FMO4: variants seen among roughly 807,000 people sequenced by gnomAD.
FMO4 encodes flavin containing dimethylaniline monoxygenase 4.
In FMO4, 38 loss-of-function variants were observed where a neutral mutation model predicts 43.3. The ratio of observed to expected loss-of-function variants is 0.88; its 90% CI spans 0.68 to 1.15. FMO4 has a LOEUF of 1.15. Among genes scored for constraint, FMO4 ranks in the 50% most tolerant of loss-of-function variants. FMO4 has a pLI of 0.00. For synonymous variants in FMO4, 224 were observed against 232.2 expected (o/e 0.96, Z 0.32); for missense variants, 631 against 663.3 (o/e 0.95, Z 0.54).
chr1:171,317,405 G>A (rs77579116), intron 2 of FMO4, among the ~76,000 whole-genome samples: 7,671 of 152,162 alleles, frequency 0.05, 598 homozygotes, highest in African/African-American at 0.17. Context: ...ACTATCATTT[G>A]TGTGTCTTCT....
intron 9 of FMO4, among the ~76,000 whole-genome samples, 170 bp from the exon 10 acceptor site, chr1:171,341,243 G>C (rs964669624): frequency 1.1e-4 from 16 of 152,108 alleles, no homozygotes; most frequent in South Asian, 6.2e-4. Flanking sequence ...ACCCTCTGTA[G>C]ATAAACTCCT....
intron 7 of FMO4, 59 bp from the exon 8 acceptor site, chr1:171,334,351 AT>A (rs1441191749): frequency 1.8e-6 from 2 of 1,090,694 alleles, no homozygotes; most frequent in Admixed American, 2.5e-5. Flanking sequence ...TAAGTAAATC[AT>A]TTGCTGAAGT....
chr1:171,321,356 A>G (rs890238529), intron 3 of FMO4, among the ~76,000 whole-genome samples: 5 of 152,204 alleles, frequency 3.3e-5, no homozygotes, highest in Non-Finnish European at 7.4e-5. Context: ...GGGTTTAGGT[A>G]TCCCTTTGGT....
rs753454856 is a variant in FMO4 at position 171,324,176 on chromosome 1, C to T, written c.360C>T (p.Ser120=). 1.3e-5 allele frequency: 21 copies of T among 1,613,266 alleles called. No individual in the cohort carries two copies. Among genetic ancestry groups the T allele is most frequent in the Middle Eastern group, 1.6e-4 (1 of 6,074 alleles). The change falls in exon 5 of 10, where the codon TCC becomes TCT. Residue 120 remains serine, a synonymous_variant. Transcript: ENST00000367749. ...VCSITKRPDF[S]ETGQWDVVTE... ...GCATAACGAAGCGTCCAGACTTCTC[C>T]GAAACTGGTCAGTGGGATGTTGTCA...
rs3737926 is a variant in FMO4 at position 171,334,426 on chromosome 1, C to T, written c.843C>T (p.Phe281=). The T allele has an allele frequency of 1.8e-3, 2,753 of 1,571,938 alleles. 74 individuals are homozygous for T. In the East Asian group the frequency reaches 0.052, roughly 30 times the overall value. Residue 281 remains phenylalanine, a synonymous_variant, in exon 8 of 10, where the codon TTC becomes TTT. Coordinates refer to ENST00000367749, the MANE Select transcript of FMO4 (RefSeq NM_002022.3). ...LSITKGKKAK[F]IVNDELPNCI... ...TGTGTCAAAGGAAAAAAGCAAAATT[C>T]ATTGTGAATGATGAGCTGCCAAACT...
chr1:171,337,949 T>A (rs1278365498), intron 9 of FMO4, among the ~76,000 whole-genome samples: 1 of 151,856 alleles, frequency 6.6e-6, no homozygotes, highest in Non-Finnish European at 1.5e-5. Flanking sequence ...CTAATTCCCC[T>A]CCCTCTAGAT....
At chr1:171,315,408 T>G (rs1293649998) in intron 1 of FMO4, among the ~76,000 whole-genome samples, 1 of 152,110 alleles carries the variant, frequency 6.6e-6, no homozygotes, top group African/African-American at 2.4e-5. Flanking sequence ...CCTGCAGTAT[T>G]CTCGCCTACC....
chr1:171,340,702 TGAGTCTAAGGATAA>T (rs1450441029), intron 9 of FMO4, among the ~76,000 whole-genome samples: 1 of 152,054 alleles, frequency 6.6e-6, no homozygotes, highest in Non-Finnish European at 1.5e-5. Flanking sequence ...GAAGGGCGAG[TGAGTCTAAGGATAA>T]TGAAATAATC....
chr1:171,322,084 G>GA (rs1220420753), intron 3 of FMO4, among the ~76,000 whole-genome samples: 1 of 152,170 alleles, frequency 6.6e-6, no homozygotes, highest in East Asian at 1.9e-4. Context: ...AGGACTTCAT[G>GA]AAAAAACAGA....
intron 9 of FMO4, among the ~76,000 whole-genome samples, chr1:171,339,506 C>T (rs1429065179): frequency 1.3e-5 from 2 of 152,098 alleles, no homozygotes; most frequent in East Asian, 1.9e-4. Flanking sequence ...AACATCCCAG[C>T]GAAGATCCTT....
At chr1:171,332,332 G>T (rs1342934023) in intron 6 of FMO4, among the ~76,000 whole-genome samples, 1 of 152,106 alleles carries the variant, frequency 6.6e-6, no homozygotes, top group Non-Finnish European at 1.5e-5. Flanking sequence ...AAAGGAAAAT[G>T]ATTAGATCTG....
intron 5 of FMO4, among the ~76,000 whole-genome samples, chr1:171,324,892 G>A (rs766107825): frequency 3.1e-4 from 44 of 139,716 alleles, no homozygotes; most frequent in Non-Finnish European, 2.4e-4. Context: ...GAGGCCGAGG[G>A]AGGCCAGAAG....
At chr1:171,322,963 A>G (rs1301102679) in intron 3 of FMO4, 41 bp from the exon 4 acceptor site, 6 of 1,491,344 alleles carry the variant, frequency 4.0e-6, no homozygotes, top group Non-Finnish European at 5.6e-6. Flanking sequence ...TCTTCCTCCT[A>G]TCTCCATTAT....
At chr1:171,332,316 T>G (rs180784051) in intron 6 of FMO4, among the ~76,000 whole-genome samples, 1 of 152,196 alleles carries the variant, frequency 6.6e-6, no homozygotes, top group Non-Finnish European at 1.5e-5. Flanking sequence ...CACTTTAGCA[T>G]AAATTAAAGG....
rs1662345758 is a variant in FMO4 at position 171,320,028 on chromosome 1, G to T, written c.132+71G>T. 2.6e-6 allele frequency: 4 copies of T among 1,566,092 alleles called. No homozygotes were observed. The East Asian group carries it at 6.7e-5, about 26-fold the overall frequency. On this transcript the variant is annotated intron_variant, in intron 3 of 9. Transcript: ENST00000367749. ...TCTCTGCTCAGACATGGTGGCTTTAGCCTGCCTTGGTGATCAAGTAAGGGA... is the reference window on the plus strand; with the variant it reads ...TCTCTGCTCAGACATGGTGGCTTTATCCTGCCTTGGTGATCAAGTAAGGGA...
intron 5 of FMO4, 100 bp downstream of exon 5, chr1:171,324,400 G>T: frequency 1.1e-6 from 1 of 871,306 alleles, no homozygotes. Flanking sequence ...GATTATAGAT[G>T]GCTTTATATT....
chr1:171,338,056 G>A (rs2101907573), intron 9 of FMO4, among the ~76,000 whole-genome samples: 1 of 152,200 alleles, frequency 6.6e-6, no homozygotes, highest in Non-Finnish European at 1.5e-5. Context: ...TAAATGGGCT[G>A]ATCTGAAACT....
chr1:171,337,479 A>C, intron 9 of FMO4, 54 bp downstream of exon 9: 2 of 1,259,702 alleles, frequency 1.6e-6, no homozygotes, highest in South Asian at 1.2e-5. Flanking sequence ...TGTTACAAAA[A>C]AAGGATTCAG....
intron 9 of FMO4, among the ~76,000 whole-genome samples, chr1:171,337,836 TC>T (rs2101907224): frequency 6.6e-6 from 1 of 152,180 alleles, no homozygotes; most frequent in Non-Finnish European, 1.5e-5. Context: ...TTACACCCAC[TC>T]CCAGGTGGCC....
Sources: gnomAD v4.1 joint callset for allele counts (sites outside exome capture counted in the v4.1 genomes callset) on GRCh38, gnomAD v4.1.1 for gene constraint, MANE v1.5 for transcripts, NCBI Gene and HGNC (gene_info 2026-07-23, HGNC 2026-07-21) for gene names.